The following REC8 variants were observed in gnomAD, a reference collection of about 807,000 sequenced individuals.
REC8 encodes REC8 meiotic recombination protein.
A neutral mutation model predicts 78.3 loss-of-function variants in REC8; 42 were observed. That is an observed-to-expected ratio of 0.54 (90% CI 0.42 to 0.69). The LOEUF is 0.69. REC8 is among the 30% of genes least tolerant of loss of function. REC8 has a pLI of 0.00. For synonymous variants in REC8, 268 were observed against 274.1 expected, an observed-to-expected ratio of 0.98 and a Z score of 0.22; for missense variants, 581 against 715.8, an observed-to-expected ratio of 0.81 and a Z score of 2.15.
rs201211084 is a variant in REC8 at position 24,178,080 on chromosome 14, C to T, written c.865-11C>T. 28 of 1,611,330 alleles carry T rather than the reference C, an allele frequency of 1.7e-5. No homozygotes were observed. In the Middle Eastern group the frequency reaches 5.0e-4, roughly 29 times the overall value. On this transcript the variant is annotated splice_polypyrimidine_tract_variant and intron_variant, in intron 11 of 18. Transcript: ENST00000611366. ...GCAGCCTTGCCCCTACCTGCCCTCCCCACTCAACAGAGGAGGCCCCCAGTC... is the reference window on the plus strand; with the variant it reads ...GCAGCCTTGCCCCTACCTGCCCTCCTCACTCAACAGAGGAGGCCCCCAGTC...
downstream of REC8, among the ~76,000 whole-genome samples, chr14:24,180,921 A>G (rs1311296121): frequency 5.3e-5 from 8 of 152,178 alleles, no homozygotes; most frequent in East Asian, 1.5e-3. Flanking sequence ...AGAACCAATG[A>G]AACTTGGTGC....
At chr14:24,173,991 G>A (rs1005507840) in intron 5 of REC8, among the ~76,000 whole-genome samples, 2 of 151,736 alleles carry the variant, frequency 1.3e-5, no homozygotes, top group African/African-American at 4.8e-5. Context: ...TCAGCCTCCC[G>A]AGTAGCTGGG....
In REC8 at chr14:24,172,256, C is replaced by G. The variant is rs149044480; in HGVS notation, c.-297C>G. On this transcript the variant is annotated 5_prime_UTR_variant, in exon 1 of 19. Transcript: ENST00000611366. ...GACGTCCCCTTGGAGCTCTGCATCTCCAACCTGGAACCCAACCCAGAAGTC... is the reference window on the plus strand; with the variant it reads ...GACGTCCCCTTGGAGCTCTGCATCTGCAACCTGGAACCCAACCCAGAAGTC... 123 of 466,520 alleles carry G rather than the reference C, an allele frequency of 2.6e-4. 1 individual carries two copies. The East Asian group carries it at 4.2e-3, about 16-fold the overall frequency. 28.9% of individuals were successfully genotyped at this position (466,520 alleles called of 1,614,324 possible). A position where few individuals can be genotyped will look rare whatever the true frequency, so the allele number is the denominator to read the frequency against.
intron 5 of REC8, among the ~76,000 whole-genome samples, chr14:24,173,980 C>T (rs2139124451): frequency 6.6e-6 from 1 of 152,188 alleles, no homozygotes; most frequent in East Asian, 1.9e-4. Flanking sequence ...ATTCTCCTGC[C>T]TCAGCCTCCC....
chr14:24,175,651 T>C, intron 6 of REC8, 27 bp downstream of exon 6: 1 of 1,574,942 alleles, frequency 6.3e-7, no homozygotes, highest in Non-Finnish European at 8.7e-7. Flanking sequence ...TTCTTTCTGG[T>C]GAGAGGCATA....
At chr14:24,180,738 C>T, downstream of REC8, 1 of 1,614,018 alleles carries the variant, frequency 6.2e-7, no homozygotes, top group Non-Finnish European at 8.5e-7. Flanking sequence ...TACGCAGAAG[C>T]TCGGGAGCCA....
chr14:24,177,363 C>G lies in REC8; in HGVS notation c.717C>G (p.Leu239=). 1.2e-6 allele frequency: 2 copies of G among 1,614,188 alleles called. No homozygotes were observed. The highest frequency in any genetic ancestry group is 1.7e-6 in the Non-Finnish European group (2 of 1,180,034). ...EEAILLEIPR[L]PPPAPAEVEG... The stretch of plus-strand genomic sequence containing the variant: ...ATTCTCTCTCCACAGTCCCGCGGCT[C>G]CCACCTCCAGCTCCTGCAGAGTAAG... Residue 239 remains leucine (L), a synonymous_variant, in exon 9 of 19, where the codon CTC becomes CTG. Transcript: ENST00000611366.
At position 24,177,539 on chromosome 14, in the gene REC8, T is replaced by C. The variant is rs372143175; in HGVS notation, c.812T>C (p.Met271Thr). The C allele has an allele frequency of 1.2e-6, 2 of 1,613,318 alleles. No homozygotes were observed. Among genetic ancestry groups the C allele is most frequent in the African/African-American group, 1.3e-5 (1 of 75,038 alleles). Residue 271 changes from methionine (M) to threonine (T), a missense_variant and splice_region_variant, in exon 10 of 19, where the codon ATG becomes ACG. Coordinates refer to ENST00000611366, the MANE Select transcript of REC8 (RefSeq NM_001048205.2). ...GGCTGGGAACCTGGGGCCCTACTCA[T>C]GGGTGAGTGCCCACCATGCCCCAGG... ...LTGWEPGALL[M>T]EVTPPEELRL...
downstream of REC8, chr14:24,180,297 A>C (rs1448303857): frequency 1.3e-6 from 2 of 1,515,910 alleles, no homozygotes; most frequent in Admixed American, 4.0e-5. Flanking sequence ...AGCCTCAGGG[A>C]CAGCCCTGTA....
chr14:24,172,675 C>T (rs1404918986), intron 1 of REC8, 38 bp from the exon 2 acceptor site: 4 of 1,613,910 alleles, frequency 2.5e-6, no homozygotes, highest in African/African-American at 2.7e-5. Context: ...ACAGCTCCCC[C>T]TCCATCCCCA....
chr14:24,179,057 G>A, intron 14 of REC8, 28 bp from the exon 15 acceptor site: 6 of 1,608,922 alleles, frequency 3.7e-6, no homozygotes, highest in Non-Finnish European at 5.1e-6. Context: ...GATGCTTGGG[G>A]TCTTAGTTCT....
In REC8 at chr14:24,177,775, C is replaced by T. The variant is rs769976865; in HGVS notation, c.864+17C>T. 3.8e-6 allele frequency: 6 copies of T among 1,584,042 alleles called. No individual in the cohort carries two copies. The highest frequency in any genetic ancestry group is 5.1e-6 in the Non-Finnish European group (6 of 1,165,428). The stretch of plus-strand genomic sequence containing the variant: ...AGCCCAGAGGTGAGTAGCCTCCCTT[C>T]TAATCCTCCTCCTCCTCCTCTTTGC... On this transcript the variant is annotated intron_variant, in intron 11 of 18. Coordinates refer to ENST00000611366, the MANE Select transcript of REC8 (RefSeq NM_001048205.2).
chr14:24,178,510 T>C (rs2039004094), intron 12 of REC8, 96 bp from the exon 13 acceptor site: 1 of 1,307,012 alleles, frequency 7.7e-7, no homozygotes, highest in Admixed American at 2.1e-5. Flanking sequence ...GCTGGGGAAG[T>C]CCAGAAGCCC....
Position 24,178,592 on chromosome 14 carries a change from C to T in REC8, c.997-14C>T, listed in dbSNP as rs1283149205. 1 of 1,613,434 alleles carries T rather than the reference C, an allele frequency of 6.2e-7. No individual in the cohort carries two copies. The highest frequency in any genetic ancestry group is 8.5e-7 in the Non-Finnish European group (1 of 1,179,660). On this transcript the variant is annotated splice_polypyrimidine_tract_variant and intron_variant, in intron 12 of 18. Transcript: ENST00000611366. ...GCTTTATAATGGGGCTTCTGACCTT[C>T]CCCCACTACACAGCCTATGGTGCAG... is the stretch of plus-strand genomic sequence containing the variant.
rs1416902801 is a variant in REC8 at position 24,172,764 on chromosome 14, G to A, written c.108G>A (p.Val36=). The A allele has an allele frequency of 6.2e-7, 1 of 1,614,214 alleles. No homozygotes were observed. Among genetic ancestry groups the A allele is most frequent in the Non-Finnish European group, 8.5e-7 (1 of 1,180,028 alleles). Reference sequence around the variant, plus strand: ...TGGTGAAGCGCGAATACCTGAGGGTGAATGTGGTGAAAACCTGGTAAGGCC... The same window carrying A: ...TGGTGAAGCGCGAATACCTGAGGGTAAATGTGGTGAAAACCTGGTAAGGCC... The part of the protein sequence containing the change: ...SRLVKREYLR[V]NVVKTCEEIL... The change falls in exon 2 of 19, where the codon GTG becomes GTA. Residue 36 remains valine (V), a synonymous_variant. Transcript: ENST00000611366.
chr14:24,175,891 T>C (rs1192341402), intron 6 of REC8, among the ~76,000 whole-genome samples: 8 of 151,848 alleles, frequency 5.3e-5, no homozygotes, highest in Admixed American at 5.2e-4. Flanking sequence ...TTAGTAGAGA[T>C]GGGGTTTCAC....
At chr14:24,180,375 T>A, downstream of REC8, 1 of 1,559,168 alleles carries the variant, frequency 6.4e-7, no homozygotes, top group Admixed American at 1.9e-5. Context: ...AGAACTGAAC[T>A]GGGCTGAGAG....
intron 7 of REC8, 98 bp downstream of exon 7, chr14:24,176,999 C>A: frequency 7.4e-7 from 1 of 1,344,364 alleles, no homozygotes; most frequent in Non-Finnish European, 1.1e-6. Context: ...TTTCCCTATT[C>A]TCTGTCCCTG....
In REC8 at chr14:24,180,162, T is replaced by C. The variant is rs1403164150; in HGVS notation, c.*67T>C. 2 of 1,613,830 alleles carry C rather than the reference T, an allele frequency of 1.2e-6. No homozygotes were observed. The highest frequency in any genetic ancestry group is 1.7e-6 in the Non-Finnish European group (2 of 1,180,002). On this transcript the variant is annotated 3_prime_UTR_variant, in exon 19 of 19. Coordinates refer to ENST00000611366, the MANE Select transcript of REC8 (RefSeq NM_001048205.2). ...TCTAGTAAACCACGTCGTGCCTCACTGGGTCCTGCTTACCTCATTTCTGAA... is the reference window on the plus strand; with the variant it reads ...TCTAGTAAACCACGTCGTGCCTCACCGGGTCCTGCTTACCTCATTTCTGAA...
Sources: gnomAD v4.1 joint callset for allele counts (sites outside exome capture counted in the v4.1 genomes callset) on GRCh38, gnomAD v4.1.1 for gene constraint, MANE v1.5 for transcripts, NCBI Gene and HGNC (gene_info 2026-07-23, HGNC 2026-07-21) for gene names.